Variants in EML4 observed in about 807,000 individuals in gnomAD.
EML4 encodes EMAP like 4.
Under a neutral mutation model 129.0 loss-of-function variants are expected in EML4, and 72 were observed. That is an observed-to-expected ratio of 0.56 (90% CI 0.46 to 0.68). EML4 has a LOEUF of 0.68. EML4 is among the 30% of genes least tolerant of loss of function. The probability of loss-of-function intolerance (pLI) is 0.00; values close to 1 mark genes in which losing one functional copy is unlikely to be tolerated. For missense variants in EML4, 1,363 were observed against 1,190.6 expected, an observed-to-expected ratio of 1.14 and a Z score of -2.13; for synonymous variants, 532 against 405.0, an observed-to-expected ratio of 1.31 and a Z score of -3.77.
In EML4 at chr2:42,330,069, C is replaced by T. The variant is rs776764624; in HGVS notation, c.2808C>T (p.Asp936=). The T allele has an allele frequency of 1.2e-6, 2 of 1,613,080 alleles. No individual in the cohort carries two copies. Among genetic ancestry groups the T allele is most frequent in the African/African-American group, 2.7e-5 (2 of 74,542 alleles). ...AACAAACTGTGGAGCCAAGTGAAGA[C>T]CACAGCGAGGAGGAGAGTGAAGAGG... The part of the protein sequence containing the change: ...SLEQTVEPSE[D]HSEEESEEGS... The change falls in exon 23 of 23, where the codon GAC becomes GAT. Residue 936 remains aspartate, a synonymous_variant. Transcript: ENST00000318522.
Position 42,242,033 on chromosome 2 carries a change from C to A in EML4, c.26-3472C>A, listed in dbSNP as rs10177453. Reference sequence around the variant, plus strand: ...TTACAAGCTGAACCACCTTTCTTGTCACTATCCAAGTTTCACACAACTTAA... The same window carrying A: ...TTACAAGCTGAACCACCTTTCTTGTAACTATCCAAGTTTCACACAACTTAA... On this transcript the variant is annotated intron_variant, in intron 1 of 22. Transcript: ENST00000318522. Among the ~76,000 whole-genome samples the A allele has an allele frequency of 1.0e-3, 155 of 152,256 alleles. 1 individual carries two copies. Among genetic ancestry groups the A allele is most frequent in the African/African-American group, 3.6e-3 (149 of 41,550 alleles).
intron 1 of EML4, among the ~76,000 whole-genome samples, chr2:42,230,106 C>A (rs563777258): frequency 6.6e-6 from 1 of 152,284 alleles, no homozygotes; most frequent in African/African-American, 2.4e-5. Context: ...TAGTCCTATG[C>A]ATGTCACCAA....
In EML4 at chr2:42,330,063, TGAAGACCACAGC is replaced by T; in HGVS notation, c.2805_2816del (p.Asp936_Glu939del). The T allele has an allele frequency of 6.2e-7, 1 of 1,613,274 alleles. No homozygotes were observed. The highest frequency in any genetic ancestry group is 8.5e-7 in the Non-Finnish European group (1 of 1,179,924). On this transcript the variant is annotated inframe_deletion, in exon 23 of 23. Coordinates refer to ENST00000318522, the MANE Select transcript of EML4 (RefSeq NM_019063.5). The stretch of plus-strand genomic sequence containing the variant: ...GCCTGGAACAAACTGTGGAGCCAAG[TGAAGACCACAGC>T]GAGGAGGAGAGTGAAGAGGGCAGCG...
intron 6 of EML4, among the ~76,000 whole-genome samples, chr2:42,280,115 G>C (rs1176285333): frequency 6.6e-6 from 1 of 152,108 alleles, no homozygotes; most frequent in Non-Finnish European, 1.5e-5. Context: ...TTTAACATCT[G>C]TAGGTTCATC....
At chr2:42,226,465 C>T (rs941927707) in intron 1 of EML4, among the ~76,000 whole-genome samples, 1 of 151,022 alleles carries the variant, frequency 6.6e-6, no homozygotes, top group African/African-American at 2.4e-5. Flanking sequence ...CGAGACCATC[C>T]TGGCCAACAT....
intron 1 of EML4, among the ~76,000 whole-genome samples, chr2:42,202,681 TG>T (rs1345925408): frequency 6.6e-6 from 1 of 152,172 alleles, no homozygotes; most frequent in Non-Finnish European, 1.5e-5. Context: ...TTCTTTTGTC[TG>T]CTTTTATTCT....
At chr2:42,278,421 A>G (rs907053314) in intron 6 of EML4, among the ~76,000 whole-genome samples, 1 of 152,094 alleles carries the variant, frequency 6.6e-6, no homozygotes, top group Non-Finnish European at 1.5e-5. Context: ...TAAAAATGCA[A>G]AAATGAGCCA....
chr2:42,327,309 CAT>C (rs1669861309), intron 21 of EML4, among the ~76,000 whole-genome samples: 1 of 152,202 alleles, frequency 6.6e-6, no homozygotes, highest in Non-Finnish European at 1.5e-5. Flanking sequence ...TGTGAACAGT[CAT>C]GTGCAGGTTT....
At chr2:42,244,101 G>GTTTTTTTTTTTTTTTTTTT (rs147426155) in intron 1 of EML4, among the ~76,000 whole-genome samples, 1 of 81,368 alleles carries the variant, frequency 1.2e-5, no homozygotes, top group Non-Finnish European at 3.0e-5. Context: ...TTTGTTTTTT[G>GTTTTTTTTTTTTTTTTTTT]TTTTTTTTTT....
At chr2:42,196,117 A>G (rs1351802027) in intron 1 of EML4, among the ~76,000 whole-genome samples, 2 of 152,182 alleles carry the variant, frequency 1.3e-5, no homozygotes, top group Admixed American at 6.5e-5. Flanking sequence ...TGTTTGTAAA[A>G]TTTACTAGCT....
At chr2:42,284,613 A>G (rs1052826701) in intron 8 of EML4, 21 bp from the exon 9 acceptor site, 1 of 1,586,288 alleles carries the variant, frequency 6.3e-7, no homozygotes, top group Non-Finnish European at 8.6e-7. Context: ...GTTTAAAATC[A>G]TTCTTAATAC....
In EML4 at chr2:42,330,711, T is replaced by C; in HGVS notation, c.*504T>C. 1 of 229,494 alleles carries C rather than the reference T, an allele frequency of 4.4e-6. No individual in the cohort carries two copies. 14.2% of individuals were successfully genotyped at this position (229,494 alleles called of 1,614,324 possible). On this transcript the variant is annotated 3_prime_UTR_variant, in exon 23 of 23. Transcript: ENST00000318522. ...CCCCAAATGTGTAATGGAAAATTTT[T>C]AATTAAGAAAAACTTCAGTTTTGCC... is the stretch of plus-strand genomic sequence containing the variant.
At chr2:42,263,374 C>G in intron 5 of EML4, 68 bp downstream of exon 5, 1 of 571,688 alleles carries the variant, frequency 1.7e-6, no homozygotes, top group Non-Finnish European at 3.1e-6. Flanking sequence ...TTTGCATGTA[C>G]AGTTATGTAT....
chr2:42,192,753 A>AG (rs1229238464), intron 1 of EML4, among the ~76,000 whole-genome samples: 1 of 152,204 alleles, frequency 6.6e-6, no homozygotes, highest in Non-Finnish European at 1.5e-5. Context: ...TCAAAAACCC[A>AG]GAAAAACAGT....
intron 1 of EML4, among the ~76,000 whole-genome samples, chr2:42,209,344 A>C (rs145846014): frequency 1.4e-3 from 209 of 152,060 alleles, no homozygotes; most frequent in Middle Eastern, 3.4e-3. Context: ...ATTTCTTTTT[A>C]TGTCGGTTAT....
At chr2:42,321,767 A>G (rs1669535299) in intron 19 of EML4, among the ~76,000 whole-genome samples, 2 of 152,222 alleles carry the variant, frequency 1.3e-5, no homozygotes, top group South Asian at 4.1e-4. Flanking sequence ...TCACTAGGTA[A>G]AGACCACTTT....
chr2:42,281,091 AAAATT>A, intron 7 of EML4, 118 bp downstream of exon 7: 1 of 882,194 alleles, frequency 1.1e-6, no homozygotes, highest in South Asian at 2.1e-5. Flanking sequence ...AGCTACTTAA[AAAATT>A]AAAAAGGAAA....
At chr2:42,229,548 C>G (rs1298925066) in intron 1 of EML4, among the ~76,000 whole-genome samples, 1 of 152,014 alleles carries the variant, frequency 6.6e-6, no homozygotes, top group African/African-American at 2.4e-5. Context: ...GCAAGAGTCA[C>G]CCATTCACCA....
At chr2:42,308,813 A>G (rs1442226910) in intron 17 of EML4, among the ~76,000 whole-genome samples, 8 of 151,632 alleles carry the variant, frequency 5.3e-5, no homozygotes, top group Admixed American at 5.3e-4. Context: ...TGTTCTGGGC[A>G]TTTTCTATAA....
Sources: gnomAD v4.1 joint callset for allele counts (sites outside exome capture counted in the v4.1 genomes callset) on GRCh38, gnomAD v4.1.1 for gene constraint, MANE v1.5 for transcripts, NCBI Gene and HGNC (gene_info 2026-07-23, HGNC 2026-07-21) for gene names.